Variants in ERBIN observed in about 807,000 individuals in gnomAD.
ERBIN encodes densin-180-like protein.
Under a neutral mutation model 158.4 loss-of-function variants are expected in ERBIN, and 60 were observed. The observed-to-expected ratio is 0.38, with a 90% CI of 0.31 to 0.47. ERBIN has a LOEUF of 0.47. Ranked by LOEUF, ERBIN falls within the 20% of genes least tolerant of loss-of-function variation. ERBIN has a pLI of 0.99. For missense variants in ERBIN, 1,610 were observed against 1,648.0 expected (o/e 0.98, Z 0.40); for synonymous variants, 594 against 557.2 (o/e 1.07, Z -0.93).
chr5:65,956,404 C>T (rs1409648371), intron 1 of ERBIN, among the ~76,000 whole-genome samples: 3 of 34,648 alleles, frequency 8.7e-5, no homozygotes, highest in African/African-American at 3.9e-4. Flanking sequence ...GATGGAGTCT[C>T]GCTTCTGTCA....
At chr5:66,041,764 A>G (rs1444081387) in intron 15 of ERBIN, among the ~76,000 whole-genome samples, 1 of 152,070 alleles carries the variant, frequency 6.6e-6, no homozygotes, top group Non-Finnish European at 1.5e-5. Flanking sequence ...TATATGAATT[A>G]AAAAATAGAC....
intron 1 of ERBIN, among the ~76,000 whole-genome samples, chr5:65,988,205 TAA>T (rs1253776368): frequency 4.0e-5 from 6 of 150,854 alleles, no homozygotes; most frequent in South Asian, 2.1e-4. Flanking sequence ...ACCCTGTCTC[TAA>T]AAAAGTTTTT....
chr5:65,982,295 T>A (rs1252355855), intron 1 of ERBIN, among the ~76,000 whole-genome samples: 1 of 152,176 alleles, frequency 6.6e-6, no homozygotes, highest in Non-Finnish European at 1.5e-5. Flanking sequence ...CATCCTCTCC[T>A]CTGGAGTATA....
chr5:65,940,547 G>A (rs1744809576), intron 1 of ERBIN, among the ~76,000 whole-genome samples: 1 of 120,216 alleles, frequency 8.3e-6, no homozygotes, highest in Non-Finnish European at 1.7e-5. Flanking sequence ...CCGGCCAGCC[G>A]CCCCGTCCGG....
At chr5:66,029,814 C>T (rs1756667074) in intron 14 of ERBIN, among the ~76,000 whole-genome samples, 2 of 152,042 alleles carry the variant, frequency 1.3e-5, no homozygotes, top group South Asian at 4.1e-4. Flanking sequence ...TGGTCTCGAT[C>T]TCTTGACCTC....
At chr5:66,038,314 C>A in intron 14 of ERBIN, 69 bp from the exon 15 acceptor site, 4 of 983,430 alleles carry the variant, frequency 4.1e-6, no homozygotes, top group Non-Finnish European at 4.7e-6. Flanking sequence ...TGTACTTATG[C>A]AGAGGAATTG....
Position 66,014,674 on chromosome 5 carries a change from C to A in ERBIN, c.482C>A (p.Thr161Asn). Residue 161 changes from threonine to asparagine, a missense_variant, in exon 7 of 26, where the codon ACT (threonine) becomes AAT (asparagine). Physicochemically the swap from Thr to Asn is moderately conservative, Grantham distance 65. Around this residue, in one of 2 missense-constraint regions of ERBIN, gnomAD observed 596 missense variants for 711.9 expected, o/e 0.84. Transcript: ENST00000284037. ...EFLPANFGRL[T>N]KLQILELREN... Reference sequence around the variant, plus strand: ...ATTTTTTTTTTGTATTGCAGATTAACTAAACTCCAAATATTAGAGCTTAGA... The same window carrying A: ...ATTTTTTTTTTGTATTGCAGATTAAATAAACTCCAAATATTAGAGCTTAGA... The A allele has an allele frequency of 7.2e-7, 1 of 1,394,926 alleles. No homozygotes were observed. The highest frequency in any genetic ancestry group is 9.8e-7 in the Non-Finnish European group (1 of 1,023,308). The allele number at this position is 1,394,926 out of a possible 1,614,324, so 86.4% of individuals were successfully genotyped here.
rs1454154231 is a variant in ERBIN at position 66,024,374 on chromosome 5, A to C, written c.741A>C (p.Glu247Asp). 1.2e-6 allele frequency: 2 copies of C among 1,602,410 alleles called. No homozygotes were observed. Among genetic ancestry groups the C allele is most frequent in the Admixed American group, 3.4e-5 (2 of 58,374 alleles). Residue 247 changes from glutamate (E) to aspartate (D), a missense_variant, in exon 10 of 26, where the codon GAA becomes GAC. Glu to Asp is a conservative substitution (Grantham distance 45, BLOSUM62 2). Around this residue, in one of 2 missense-constraint regions of ERBIN, gnomAD observed 596 missense variants for 711.9 expected, o/e 0.84. Coordinates refer to ENST00000284037, the MANE Select transcript of ERBIN (RefSeq NM_001253697.2). ...AAAATAATATTGAAATGGTTGAAGAAGGAATTTCAACATGTGAAAACCTTC... is the reference window on the plus strand; with the variant it reads ...AAAATAATATTGAAATGGTTGAAGACGGAATTTCAACATGTGAAAACCTTC... Reference protein sequence around the residue: ...VSKNNIEMVEEGISTCENLQD... With the variant: ...VSKNNIEMVEDGISTCENLQD...
At position 66,028,289 on chromosome 5, in the gene ERBIN, C is replaced by G. The variant is rs369888510; in HGVS notation, c.1152C>G (p.Pro384=). The change falls in exon 14 of 26, where the codon CCC becomes CCG. Residue 384 remains proline, a synonymous_variant. Transcript: ENST00000284037. ...NLSDNRLKNL[P]FSFTKLQQLT... is the part of the protein sequence containing the mutation. ...TTTCCTACAGATTAAAGAATTTACC[C>G]TTTAGCTTTACAAAGCTACAGCAAT... The G allele has an allele frequency of 1.2e-6, 2 of 1,610,160 alleles. No individual in the cohort carries two copies. The highest frequency in any genetic ancestry group is 1.7e-6 in the Non-Finnish European group (2 of 1,177,938).
intron 4 of ERBIN, among the ~76,000 whole-genome samples, chr5:66,011,729 AG>A (rs1459070336): frequency 1.3e-5 from 2 of 152,064 alleles, no homozygotes; most frequent in African/African-American, 4.8e-5. Context: ...TTTTTTTTAA[AG>A]TGAGAGAAAC....
intron 1 of ERBIN, among the ~76,000 whole-genome samples, chr5:65,975,133 G>T (rs182960111): frequency 1.3e-5 from 2 of 152,070 alleles, no homozygotes; most frequent in South Asian, 4.1e-4. Context: ...TCAGCCTCTC[G>T]AATAGCTGGG....
At chr5:66,040,803 G>T (rs1402846087) in intron 15 of ERBIN, among the ~76,000 whole-genome samples, 2 of 150,036 alleles carry the variant, frequency 1.3e-5, no homozygotes, top group East Asian at 3.9e-4. Context: ...GCTAAGTAAA[G>T]GCAAAAATTC....
At position 66,044,301 on chromosome 5, in the gene ERBIN, G is replaced by C. The variant is rs988750920; in HGVS notation, c.1593G>C (p.Val531=). The C allele has an allele frequency of 2.8e-5, 45 of 1,582,228 alleles. No homozygotes were observed. The highest frequency in any genetic ancestry group is 3.2e-5 in the Non-Finnish European group (38 of 1,171,378). Residue 531 remains valine (V), a synonymous_variant, in exon 17 of 26, where the codon GTG becomes GTC. Coordinates refer to ENST00000284037, the MANE Select transcript of ERBIN (RefSeq NM_001253697.2). ...ATCAACAAGATATAAATAAAGATGT[G>C]GGTGTGAAGGTTAGAAAATTCAAAA... ...HEDQQDINKD[V]GVKTSESTTT...
intron 1 of ERBIN, among the ~76,000 whole-genome samples, chr5:65,963,067 C>T (rs1394061676): frequency 6.6e-6 from 1 of 152,080 alleles, no homozygotes; most frequent in Non-Finnish European, 1.5e-5. Flanking sequence ...CCATTATTCA[C>T]AGAAGTTTCA....
Position 66,078,716 on chromosome 5 carries a change from A to C in ERBIN, c.*186A>C, listed in dbSNP as rs1762232704. ...AGAACCACTGTACAGAATATAAAGGAGACTGTTGAATTCATACCATATAAA... is the reference window on the plus strand; with the variant it reads ...AGAACCACTGTACAGAATATAAAGGCGACTGTTGAATTCATACCATATAAA... On this transcript the variant is annotated 3_prime_UTR_variant, in exon 26 of 26. Coordinates refer to ENST00000284037, the MANE Select transcript of ERBIN (RefSeq NM_001253697.2). 1.8e-6 allele frequency: 1 copy of C among 562,082 alleles called. No homozygotes were observed. The highest frequency in any genetic ancestry group is 2.4e-5 in the South Asian group (1 of 41,746). The allele number at this position is 562,082 out of a possible 1,614,324, so 34.8% of individuals were successfully genotyped here. A position where few individuals can be genotyped will look rare whatever the true frequency, so the allele number is the denominator to read the frequency against.
At position 66,018,491 on chromosome 5, in the gene ERBIN, AT is replaced by A. The variant is rs1561380450; in HGVS notation, c.534-2829del. 5.8e-3 allele frequency among the ~76,000 whole-genome samples: 82 copies of A among 14,026 alleles called. 23 individuals are homozygous for A. Among genetic ancestry groups the A allele is most frequent in the East Asian group, 0.018 (17 of 966 alleles). The allele number at this position is 14,026 out of a possible 152,430, so 9.2% of individuals were successfully genotyped here. A position where few individuals can be genotyped will look rare whatever the true frequency, so the allele number is the denominator to read the frequency against. On this transcript the variant is annotated intron_variant, in intron 7 of 25. Transcript: ENST00000284037. ...ATATATATTATATATTATATATTAT[AT>A]TATATAATATATATTATATATTATA... is the stretch of plus-strand genomic sequence containing the variant.
At chr5:66,076,753 G>C in intron 24 of ERBIN, 122 bp from the exon 25 acceptor site, 1 of 727,086 alleles carries the variant, frequency 1.4e-6, no homozygotes, top group Non-Finnish European at 2.4e-6. Context: ...ACTCAGAGAA[G>C]TCAGGGAGAA....
chr5:65,951,872 C>T (rs974822430), intron 1 of ERBIN, among the ~76,000 whole-genome samples: 2 of 152,162 alleles, frequency 1.3e-5, no homozygotes, highest in Admixed American at 1.3e-4. Flanking sequence ...ATGACTGATT[C>T]ATTTGTGTTT....
intron 1 of ERBIN, among the ~76,000 whole-genome samples, chr5:65,954,087 C>G (rs1009674695): frequency 5.3e-5 from 8 of 152,276 alleles, no homozygotes; most frequent in African/African-American, 1.9e-4. Flanking sequence ...GTTTAGTTTG[C>G]TGACTGACAG....
Sources: allele counts gnomAD v4.1 joint callset (sites outside exome capture counted in the v4.1 genomes callset), GRCh38; gene constraint gnomAD v4.1.1; regional missense constraint gnomAD v4.1.1; transcripts MANE v1.5; gene names NCBI Gene and HGNC (gene_info 2026-07-23, HGNC 2026-07-21).